DCAF12: variants seen among roughly 807,000 people sequenced by gnomAD.
The protein encoded by DCAF12 is DDB1 and CUL4 associated factor 12, also known as DDB1- and CUL4-associated factor 12.
In DCAF12, 28 loss-of-function variants were observed where a neutral mutation model predicts 52.8. That is an observed-to-expected ratio of 0.53 (90% CI 0.39 to 0.73). DCAF12 has a LOEUF of 0.73. Among genes scored for constraint, DCAF12 ranks in the 30% least tolerant of loss-of-function variants. The pLI is 0.00. For synonymous variants in DCAF12, 196 were observed against 215.5 expected, an observed-to-expected ratio of 0.91 and a Z score of 0.79; for missense variants, 425 against 552.2, an observed-to-expected ratio of 0.77 and a Z score of 2.31.
At position 34,126,544 on chromosome 9, in the gene DCAF12, C is replaced by T; in HGVS notation, c.-113G>A. On this transcript the variant is annotated 5_prime_UTR_variant, in exon 1 of 9. Coordinates refer to ENST00000361264, the MANE Select transcript of DCAF12 (RefSeq NM_015397.4). ...GGCCGCGCACCTTAGTGCGCCCGGCCCGGAAAATGGCCCGGACCCGGAGCG... is the reference window on the plus strand; with the variant it reads ...GGCCGCGCACCTTAGTGCGCCCGGCTCGGAAAATGGCCCGGACCCGGAGCG... 1 of 1,208,182 alleles carries T rather than the reference C, an allele frequency of 8.3e-7. No individual in the cohort carries two copies. Among genetic ancestry groups the T allele is most frequent in the East Asian group, 2.7e-5 (1 of 36,554 alleles). 74.8% of individuals were successfully genotyped at this position (1,208,182 alleles called of 1,614,324 possible). A position where few individuals can be genotyped will look rare whatever the true frequency, so the allele number is the denominator to read the frequency against.
At chr9:34,104,019 A>G (rs935710894) in intron 4 of DCAF12, among the ~76,000 whole-genome samples, 2 of 152,218 alleles carry the variant, frequency 1.3e-5, no homozygotes, top group Non-Finnish European at 2.9e-5. Context: ...CTGAAATTCC[A>G]GCACTTTGGG....
intron 2 of DCAF12, among the ~76,000 whole-genome samples, chr9:34,115,562 G>A (rs534033332): frequency 1.4e-5 from 2 of 146,298 alleles, no homozygotes; most frequent in African/African-American, 2.5e-5. Context: ...TAGCGCCACC[G>A]CACTCCAGCC....
intron 8 of DCAF12, among the ~76,000 whole-genome samples, chr9:34,089,074 C>T (rs1244811415): frequency 2.0e-5 from 3 of 147,306 alleles, no homozygotes; most frequent in African/African-American, 7.6e-5. Flanking sequence ...GATCACACCA[C>T]TACACTCCAG....
At chr9:34,125,472 T>G (rs1184541933) in intron 1 of DCAF12, 195 bp from the exon 2 acceptor site, 1 of 670,848 alleles carries the variant, frequency 1.5e-6, no homozygotes, top group African/African-American at 1.8e-5. Flanking sequence ...TTGCTCACAG[T>G]CAAACTTACC....
chr9:34,089,151 G>T (rs1828606321), intron 8 of DCAF12, among the ~76,000 whole-genome samples: 1 of 151,922 alleles, frequency 6.6e-6, no homozygotes, highest in Admixed American at 6.6e-5. Flanking sequence ...CAGCTGTGGT[G>T]GGAGGTCCCT....
chr9:34,091,199 C>T (rs55794917), intron 7 of DCAF12, among the ~76,000 whole-genome samples: 20 of 151,812 alleles, frequency 1.3e-4, no homozygotes, highest in East Asian at 5.9e-4. Flanking sequence ...TGGTGGTACG[C>T]GCCTGTAGTC....
Position 34,093,322 on chromosome 9 carries a change from T to G in DCAF12, c.988A>C (p.Asn330His). 1 of 1,614,222 alleles carries G rather than the reference T, an allele frequency of 6.2e-7. No homozygotes were observed. The highest frequency in any genetic ancestry group is 2.2e-5 in the East Asian group (1 of 44,882). ...TCCCTGGAACAGACAGACTTGACGT[T>G]GTATGATGGCTGCCGTGGATCCAAG... ...SFLDPRQPSY[N>H]VKSVCSRERG... Residue 330 changes from asparagine to histidine, a missense_variant, in exon 7 of 9, where the codon AAC becomes CAC. This residue lies in a region of DCAF12 where 328 missense variants were observed against 444.4 expected (regional missense o/e 0.74). Transcript: ENST00000361264.
At chr9:34,093,565 C>A in intron 6 of DCAF12, 117 bp from the exon 7 acceptor site, 2 of 1,126,186 alleles carry the variant, frequency 1.8e-6, no homozygotes, top group Non-Finnish European at 2.6e-6. Flanking sequence ...TAAAATCAAG[C>A]CCTGATTACA....
intron 2 of DCAF12, among the ~76,000 whole-genome samples, chr9:34,113,014 T>C (rs961458143): frequency 5.3e-5 from 8 of 152,182 alleles, no homozygotes; most frequent in Non-Finnish European, 8.8e-5. Flanking sequence ...AATGCAACCA[T>C]AACATGTAGC....
At chr9:34,092,627 A>G (rs1043790503) in intron 7 of DCAF12, among the ~76,000 whole-genome samples, 1 of 151,028 alleles carries the variant, frequency 6.6e-6, no homozygotes. Flanking sequence ...CAGAGGTTGC[A>G]GTGAGCTGAG....
chr9:34,101,296 T>C (rs961151105), intron 4 of DCAF12, among the ~76,000 whole-genome samples: 2 of 152,040 alleles, frequency 1.3e-5, no homozygotes, highest in Non-Finnish European at 2.9e-5. Flanking sequence ...CAGGCTGGTC[T>C]TGGACTCCTG....
chr9:34,098,234 G>T, intron 5 of DCAF12, 90 bp downstream of exon 5: 1 of 1,357,762 alleles, frequency 7.4e-7, no homozygotes, highest in Non-Finnish European at 1.0e-6. Flanking sequence ...ATGCTATGTA[G>T]CAAGCACTGA....
intron 2 of DCAF12, among the ~76,000 whole-genome samples, chr9:34,120,844 C>A (rs1439254062): frequency 6.6e-6 from 1 of 152,016 alleles, no homozygotes; most frequent in Non-Finnish European, 1.5e-5. Context: ...TATAATCATA[C>A]CTGAACACAG....
chr9:34,126,387 C>A lies in DCAF12; in HGVS notation c.45G>T (p.Ser15=), dbSNP rs1186851352. The part of the protein sequence containing the change: ...VVSRKRKAPA[S]PGAGSDAQGP... ...CCTGAGCGTCGCTCCCAGCTCCCGG[C>A]GAGGCGGGCGCTTTCCGCTTCCTGC... Residue 15 remains serine, a synonymous_variant, in exon 1 of 9, where the codon TCG becomes TCT. Transcript: ENST00000361264. 3 of 1,611,176 alleles carry A rather than the reference C, an allele frequency of 1.9e-6. No homozygotes were observed. Among genetic ancestry groups the A allele is most frequent in the Non-Finnish European group, 2.5e-6 (3 of 1,179,778 alleles).
intron 2 of DCAF12, 119 bp downstream of exon 2, chr9:34,124,904 G>A: frequency 7.8e-7 from 1 of 1,289,646 alleles, no homozygotes; most frequent in Admixed American, 2.4e-5. Flanking sequence ...AGAATGGAAA[G>A]GAGAGTAAGG....
intron 2 of DCAF12, among the ~76,000 whole-genome samples, chr9:34,120,573 A>T (rs1403388547): frequency 1.3e-5 from 2 of 150,432 alleles, no homozygotes; most frequent in African/African-American, 2.4e-5. Flanking sequence ...CGGGGGGCTG[A>T]GGCACAAGAA....
chr9:34,122,812 T>C (rs1829194979), intron 2 of DCAF12, among the ~76,000 whole-genome samples: 1 of 152,230 alleles, frequency 6.6e-6, no homozygotes, highest in Admixed American at 6.5e-5. Flanking sequence ...CTCAAATTCC[T>C]ACACGGCAAC....
intron 2 of DCAF12, among the ~76,000 whole-genome samples, chr9:34,108,804 A>AAAAAG (rs1410904584): frequency 8.5e-6 from 1 of 117,986 alleles, no homozygotes; most frequent in Non-Finnish European, 1.9e-5. Flanking sequence ...AAAAAAAATA[A>AAAAAG]ATAAATAAAT....
chr9:34,114,089 C>T (rs1829048518), intron 2 of DCAF12, among the ~76,000 whole-genome samples: 1 of 148,798 alleles, frequency 6.7e-6, no homozygotes, highest in African/African-American at 2.4e-5. Context: ...GCCTGGGCGA[C>T]AGGGCAAATA....
Sources: allele counts gnomAD v4.1 joint callset (sites outside exome capture counted in the v4.1 genomes callset), GRCh38; gene constraint gnomAD v4.1.1; regional missense constraint gnomAD v4.1.1; transcripts MANE v1.5; gene names NCBI Gene and HGNC (gene_info 2026-07-23, HGNC 2026-07-21).